RANBP6: variants seen among roughly 807,000 people sequenced by gnomAD.
RANBP6 encodes the protein ran-binding protein 6.
Under a neutral mutation model 35.3 loss-of-function variants are expected in RANBP6, and 10 were observed. That is an observed-to-expected ratio of 0.28 (90% CI 0.17 to 0.48). RANBP6 has a LOEUF of 0.48. RANBP6 is among the 20% of genes least tolerant of loss of function. The probability of loss-of-function intolerance (pLI) is 0.99; values close to 1 mark genes in which losing one functional copy is unlikely to be tolerated. For synonymous variants in RANBP6, 514 were observed against 464.2 expected (o/e 1.11, Z -1.38); for missense variants, 1,392 against 1,307.7 (o/e 1.06, Z -0.99).
rs1842478037 is a variant in RANBP6, at chr9:6,011,869, A to T, written c.*421T>A. 6.5e-6 allele frequency: 1 copy of T among 154,940 alleles called. No homozygotes were observed. The highest frequency in any genetic ancestry group is 2.0e-4 in the South Asian group (1 of 5,046). The allele number at this position is 154,940 out of a possible 1,614,324, so 9.6% of individuals were successfully genotyped here. A position where few individuals can be genotyped will look rare whatever the true frequency, so the allele number is the denominator to read the frequency against. On this transcript the variant is annotated 3_prime_UTR_variant, in exon 1 of 1. Transcript: ENST00000259569. ...TTAATTAAAGAGGGACAAGCCTGCC[A>T]CTATATCCTTCACTCACAATTCCAA...
chr9:6,014,841 G>C lies in RANBP6; in HGVS notation c.767C>G (p.Pro256Arg), dbSNP rs192688167. ...ESLVEIADTVPKYLGPYLEDT... is the reference protein window; with the variant it reads ...ESLVEIADTVRKYLGPYLEDT... The stretch of plus-strand genomic sequence containing the variant: ...TTCTAAATAAGGACCCAAGTACTTA[G>C]GTACGGTATCTGCAATCTCAACAAG... Residue 256 changes from proline (P) to arginine (R), a missense_variant, in exon 1 of 1, where the codon CCT (proline) becomes CGT (arginine). Pro to Arg is a moderately radical substitution (Grantham distance 103). Transcript: ENST00000259569. The C allele has an allele frequency of 1.9e-6, 3 of 1,614,162 alleles. No individual in the cohort carries two copies. Among genetic ancestry groups the C allele is most frequent in the African/African-American group, 1.3e-5 (1 of 75,048 alleles).
chr9:6,012,514 G>A lies in RANBP6; in HGVS notation c.3094C>T (p.His1032Tyr), dbSNP rs1324654903. 2 of 1,611,994 alleles carry A rather than the reference G, an allele frequency of 1.2e-6. No homozygotes were observed. Among genetic ancestry groups the A allele is most frequent in the Non-Finnish European group, 1.7e-6 (2 of 1,179,250 alleles). Residue 1032 changes from histidine (H) to tyrosine (Y), a missense_variant, in exon 1 of 1, where the codon CAC becomes TAC. By Grantham distance (83) the His-to-Tyr change is moderately conservative. Transcript: ENST00000259569. ...TTATTTGGACCAATTACAACTGGGT[G>A]GTTACTTTCAATTAGGTCACAGAGA... ...SFLCDLIESNHPVVIGPNNSN... is the reference protein window; with the variant it reads ...SFLCDLIESNYPVVIGPNNSN...
Position 6,012,836 on chromosome 9 carries a change from A to C in RANBP6, c.2772T>G (p.Asp924Glu). 1 of 1,614,100 alleles carries C rather than the reference A, an allele frequency of 6.2e-7. No homozygotes were observed. The highest frequency in any genetic ancestry group is 8.5e-7 in the Non-Finnish European group (1 of 1,180,004). ...CAGCTTGCCTGACTTCAGGGTTGTT[A>C]TCTCGCATATTTAGTAGCATTGGCC... ...FRWPMLLNMR[D>E]NNPEVRQAAA... The change falls in exon 1 of 1, where the codon GAT becomes GAG. Residue 924 changes from aspartate to glutamate, a missense_variant. By Grantham distance (45) the Asp-to-Glu change is conservative. Transcript: ENST00000259569.
rs768806245 is a variant in RANBP6 at position 6,013,846 on chromosome 9, C to A, written c.1762G>T (p.Val588Leu). The change falls in exon 1 of 1, where the codon GTG (valine) becomes TTG (leucine). Residue 588 changes from valine to leucine, a missense_variant. Val to Leu is a conservative substitution (Grantham distance 32). Transcript: ENST00000259569. Reference protein sequence around the residue: ...KEKFMQDASNVMQLLLKTQSD... With the variant: ...KEKFMQDASNLMQLLLKTQSD... ...TGTGTCTTCAACAACAGCTGCATCA[C>A]ATTTGATGCATCTTGCATAAATTTT... The A allele has an allele frequency of 6.2e-7, 1 of 1,613,738 alleles. No individual in the cohort carries two copies. Among genetic ancestry groups the A allele is most frequent in the Non-Finnish European group, 8.5e-7 (1 of 1,179,750 alleles).
Position 6,013,233 on chromosome 9 carries a change from C to G in RANBP6, c.2375G>C (p.Cys792Ser). The G allele has an allele frequency of 6.2e-7, 1 of 1,614,064 alleles. No individual in the cohort carries two copies. Among genetic ancestry groups the G allele is most frequent in the Non-Finnish European group, 8.5e-7 (1 of 1,180,002 alleles). Residue 792 changes from cysteine to serine, a missense_variant, in exon 1 of 1, where the codon TGC becomes TCC. Coordinates refer to ENST00000259569, the MANE Select transcript of RANBP6 (RefSeq NM_012416.4). The stretch of plus-strand genomic sequence containing the variant: ...TTCTTCCAAGTGTTCATCATTAAGG[C>G]AACCATCTCCCATAACTTCAATGGA... Reference protein sequence around the residue: ...AKSIEVMGDGCLNDEHLEELG... With the variant: ...AKSIEVMGDGSLNDEHLEELG...
chr9:6,013,174 G>A lies in RANBP6; in HGVS notation c.2434C>T (p.His812Tyr). ...GGILKAKLEG[H>Y]FKNQELRQVK... ...TGTCTCAATTCTTGGTTTTTAAAGT[G>A]CCCTTCAAGTTTTGCTTTCAGTATT... The change falls in exon 1 of 1, where the codon CAC (histidine) becomes TAC (tyrosine). Residue 812 changes from histidine (H) to tyrosine (Y), a missense_variant. Transcript: ENST00000259569. 1 of 1,613,796 alleles carries A rather than the reference G, an allele frequency of 6.2e-7. No homozygotes were observed. Among genetic ancestry groups the A allele is most frequent in the Non-Finnish European group, 8.5e-7 (1 of 1,179,976 alleles).
At position 6,014,576 on chromosome 9, in the gene RANBP6, T is replaced by C. The variant is rs1444212958; in HGVS notation, c.1032A>G (p.Ala344=). Reference sequence around the variant, plus strand: ...TGTCTAGTGCACTCTCCGCAGCAACTGCATTGCTGTCAAAATCATCTTCTT... The same window carrying C: ...TGTCTAGTGCACTCTCCGCAGCAACCGCATTGCTGTCAAAATCATCTTCTT... ...EMEEDDFDSN[A]VAAESALDRL... The change falls in exon 1 of 1, where the codon GCA becomes GCG. Residue 344 remains alanine, a synonymous_variant. Transcript: ENST00000259569. 1 of 1,614,214 alleles carries C rather than the reference T, an allele frequency of 6.2e-7. No homozygotes were observed. The highest frequency in any genetic ancestry group is 1.3e-5 in the African/African-American group (1 of 75,072).
rs1193680413 is a variant in RANBP6 at position 6,015,448 on chromosome 9, A to G, written c.160T>C (p.Leu54=). Residue 54 remains leucine (L), a synonymous_variant, in exon 1 of 1, where the codon TTA becomes CTA. Coordinates refer to ENST00000259569, the MANE Select transcript of RANBP6 (RefSeq NM_012416.4). ...GCTCTTCTATTTCTGACGGCATCTAAGAGGAAGGTAGTCTTACACAGACCT... is the reference window on the plus strand; with the variant it reads ...GCTCTTCTATTTCTGACGGCATCTAGGAGGAAGGTAGTCTTACACAGACCT... ...IPGLCKTTFL[L]DAVRNRRAGY... 2.0e-5 allele frequency: 33 copies of G among 1,614,192 alleles called. No individual in the cohort carries two copies. The highest frequency in any genetic ancestry group is 2.6e-5 in the Non-Finnish European group (31 of 1,180,032).
In RANBP6 at chr9:6,012,705, G is replaced by A; in HGVS notation, c.2903C>T (p.Ser968Phe). The change falls in exon 1 of 1, where the codon TCC becomes TTC. Residue 968 changes from serine (S) to phenylalanine (F), a missense_variant. Transcript: ENST00000259569. ...AGCAATGACATTTTTTTTGGTTTTGGAATTTGCACACTTAATAACTTTTAC... is the reference window on the plus strand; with the variant it reads ...AGCAATGACATTTTTTTTGGTTTTGAAATTTGCACACTTAATAACTTTTAC... Reference protein sequence around the residue: ...LLVKVIKCANSKTKKNVIATE... With the variant: ...LLVKVIKCANFKTKKNVIATE... 1 of 1,611,338 alleles carries A rather than the reference G, an allele frequency of 6.2e-7. No homozygotes were observed. The highest frequency in any genetic ancestry group is 8.5e-7 in the Non-Finnish European group (1 of 1,179,230).
In RANBP6 at chr9:6,015,082, G is replaced by A; in HGVS notation, c.526C>T (p.His176Tyr). 6.2e-7 allele frequency: 1 copy of A among 1,614,122 alleles called. No individual in the cohort carries two copies. The highest frequency in any genetic ancestry group is 8.5e-7 in the Non-Finnish European group (1 of 1,180,040). ...FPGIFGTQER[H>Y]DLDIIKRLLD... is the part of the protein sequence containing the mutation. ...AACCGTTTGATGATATCCAAATCAT[G>A]CCGCTCTTGGGTCCCAAAAATCCCA... The change falls in exon 1 of 1, where the codon CAT (histidine) becomes TAT (tyrosine). Residue 176 changes from histidine to tyrosine, a missense_variant. His to Tyr is a moderately conservative substitution (Grantham distance 83). Transcript: ENST00000259569.
Position 6,014,733 on chromosome 9 carries a change from A to T in RANBP6, c.875T>A (p.Val292Glu). The change falls in exon 1 of 1, where the codon GTG (valine) becomes GAG (glutamate). Residue 292 changes from valine (V) to glutamate (E), a missense_variant. Physicochemically the swap from Val to Glu is moderately radical, Grantham distance 121. Coordinates refer to ENST00000259569, the MANE Select transcript of RANBP6 (RefSeq NM_012416.4). ...LQRQLALEVI[V>E]TLSETATPML... ...CGGAGTGGCAGTTTCAGACAAGGTC[A>T]CTATAACTTCGAGGGCCAGCTGGCG... The T allele has an allele frequency of 6.2e-7, 1 of 1,614,156 alleles. No individual in the cohort carries two copies. The highest frequency in any genetic ancestry group is 1.3e-5 in the African/African-American group (1 of 75,064).
Position 6,015,407 on chromosome 9 carries a change from T to C in RANBP6, c.201A>G (p.Arg67=), listed in dbSNP as rs749705559. 1 of 1,614,206 alleles carries C rather than the reference T, an allele frequency of 6.2e-7. No individual in the cohort carries two copies. The change falls in exon 1 of 1, where the codon AGA becomes AGG. Residue 67 remains arginine (R), a synonymous_variant. Coordinates refer to ENST00000259569, the MANE Select transcript of RANBP6 (RefSeq NM_012416.4). The stretch of plus-strand genomic sequence containing the variant: ...GTCGTAGCAGTGCGGCAGCCATTTG[T>C]CTCACCTCATAACCTGCTCTTCTAT... The part of the protein sequence containing the change: ...VRNRRAGYEV[R]QMAAALLRRL...
rs1307484934 is a variant in RANBP6 at position 6,014,787 on chromosome 9, C to T, written c.821G>A (p.Cys274Tyr). The change falls in exon 1 of 1, where the codon TGT (cysteine) becomes TAT (tyrosine). Residue 274 changes from cysteine (C) to tyrosine (Y), a missense_variant. Coordinates refer to ENST00000259569, the MANE Select transcript of RANBP6 (RefSeq NM_012416.4). ...EDTLQLSLKLCGDSRLSNLQR... is the reference protein window; with the variant it reads ...EDTLQLSLKLYGDSRLSNLQR... ...CAGATTACTAAGCCTAGAGTCTCCA[C>T]ATAACTTCAAACTCAACTGTAGAGT... is the stretch of plus-strand genomic sequence containing the variant. The T allele has an allele frequency of 1.2e-6, 2 of 1,614,092 alleles. No homozygotes were observed. Among genetic ancestry groups the T allele is most frequent in the Non-Finnish European group, 1.7e-6 (2 of 1,180,044 alleles).
Position 6,015,355 on chromosome 9 carries a change from C to A in RANBP6, c.253G>T (p.Val85Phe). The A allele has an allele frequency of 6.2e-7, 1 of 1,614,214 alleles. No homozygotes were observed. Among genetic ancestry groups the A allele is most frequent in the Non-Finnish European group, 8.5e-7 (1 of 1,180,044 alleles). Residue 85 changes from valine (V) to phenylalanine (F), a missense_variant, in exon 1 of 1, where the codon GTT becomes TTT. Transcript: ENST00000259569. ...RRLLSSGFEE[V>F]YPNLPADVQR... ...ACATCAGCAGGCAGATTTGGATAAA[C>A]CTCCTCAAACCCAGAGGACAAAAGC...
At position 6,013,287 on chromosome 9, in the gene RANBP6, A is replaced by G; in HGVS notation, c.2321T>C (p.Leu774Pro). ...AIGTEPDTDV[L>P]SEIMNSFAKS... ...TGCAAAAGAATTCATTATTTCTGAGAGCACATCTGTATCTGGTTCAGTACC... is the reference window on the plus strand; with the variant it reads ...TGCAAAAGAATTCATTATTTCTGAGGGCACATCTGTATCTGGTTCAGTACC... The change falls in exon 1 of 1, where the codon CTC becomes CCC. Residue 774 changes from leucine to proline, a missense_variant. Transcript: ENST00000259569. 1 of 1,614,184 alleles carries G rather than the reference A, an allele frequency of 6.2e-7. No individual in the cohort carries two copies. Among genetic ancestry groups the G allele is most frequent in the Non-Finnish European group, 8.5e-7 (1 of 1,180,036 alleles).
In RANBP6 at chr9:6,012,735, A is replaced by C. The variant is rs766932834; in HGVS notation, c.2873T>G (p.Leu958Arg). The C allele has an allele frequency of 4.0e-5, 65 of 1,614,094 alleles. No homozygotes were observed. The South Asian group carries it at 6.6e-4, about 16-fold the overall frequency. The change falls in exon 1 of 1, where the codon CTT becomes CGT. Residue 958 changes from leucine to arginine, a missense_variant. Leu to Arg is a moderately radical substitution (Grantham distance 102). Transcript: ENST00000259569. Reference sequence around the variant, plus strand: ...TGCACACTTAATAACTTTTACCAGAAGTGGAACAGCTTCTGAACATAAAGA... The same window carrying C: ...TGCACACTTAATAACTTTTACCAGACGTGGAACAGCTTCTGAACATAAAGA... ...YRSLCSEAVPLLVKVIKCANS... is the reference protein window; with the variant it reads ...YRSLCSEAVPRLVKVIKCANS...
chr9:6,014,974 T>C lies in RANBP6; in HGVS notation c.634A>G (p.Asn212Asp). ...TTGAAAAGAGCAATATTATTCTCATTAGCAAGTACAAATGCAGCTGCAGCT... is the reference window on the plus strand; with the variant it reads ...TTGAAAAGAGCAATATTATTCTCATCAGCAAGTACAAATGCAGCTGCAGCT... Reference protein sequence around the residue: ...ARAAAAFVLANENNIALFKDF... With the variant: ...ARAAAAFVLADENNIALFKDF... Residue 212 changes from asparagine (N) to aspartate (D), a missense_variant, in exon 1 of 1, where the codon AAT becomes GAT. Coordinates refer to ENST00000259569, the MANE Select transcript of RANBP6 (RefSeq NM_012416.4). 6.2e-7 allele frequency: 1 copy of C among 1,614,234 alleles called. No individual in the cohort carries two copies. Among genetic ancestry groups the C allele is most frequent in the Non-Finnish European group, 8.5e-7 (1 of 1,180,036 alleles).
chr9:6,015,202 G>A lies in RANBP6; in HGVS notation c.406C>T (p.His136Tyr). 6.2e-7 allele frequency: 1 copy of A among 1,614,170 alleles called. No homozygotes were observed. Among genetic ancestry groups the A allele is most frequent in the Non-Finnish European group, 8.5e-7 (1 of 1,180,040 alleles). The change falls in exon 1 of 1, where the codon CAC (histidine) becomes TAC (tyrosine). Residue 136 changes from histidine to tyrosine, a missense_variant. Transcript: ENST00000259569. ...AGAAACTTCAGACCTTCCGGCCAGT[G>A]GTTAGTGCCATCCTCATCTATCAAA... is the stretch of plus-strand genomic sequence containing the variant. Reference protein sequence around the residue: ...RNLIDEDGTNHWPEGLKFLID... With the variant: ...RNLIDEDGTNYWPEGLKFLID...
chr9:6,013,129 T>C lies in RANBP6; in HGVS notation c.2479A>G (p.Asn827Asp). Residue 827 changes from asparagine to aspartate, a missense_variant, in exon 1 of 1, where the codon AAC becomes GAC. Asn to Asp is a conservative substitution (Grantham distance 23, BLOSUM62 1). Coordinates refer to ENST00000259569, the MANE Select transcript of RANBP6 (RefSeq NM_012416.4). ...GACATCTCAACCTGTTGATCATAGT[T>C]TTCTTCCTGTCTTTTCACCTGTCTC... ...ELRQVKRQEE[N>D]YDQQVEMSLQ... 1 of 1,614,088 alleles carries C rather than the reference T, an allele frequency of 6.2e-7. No individual in the cohort carries two copies. The highest frequency in any genetic ancestry group is 1.3e-5 in the African/African-American group (1 of 75,052).
Sources: gnomAD v4.1 joint callset for allele counts on GRCh38, gnomAD v4.1.1 for gene constraint, MANE v1.5 for transcripts, NCBI Gene and HGNC (gene_info 2026-07-23, HGNC 2026-07-21) for gene names.